Variants in MAGI3 observed in about 807,000 individuals in gnomAD.
MAGI3 encodes the protein membrane-associated guanylate kinase, WW and PDZ domain-containing protein 3.
MAGI3 carries 43 observed loss-of-function variants against 121.8 expected under a neutral mutation model. The observed-to-expected ratio is 0.35, with a 90% CI of 0.28 to 0.46. The LOEUF (loss-of-function observed/expected upper bound fraction) is 0.46. Among genes scored for constraint, MAGI3 ranks in the 20% least tolerant of loss-of-function variants. MAGI3 has a pLI of 1.00. For missense variants in MAGI3, 1,547 were observed against 1,797.3 expected (o/e 0.86, Z 2.52); for synonymous variants, 553 against 639.3 (o/e 0.86, Z 2.04).
At chr1:113,666,609 T>C (rs868673221) in intron 16 of MAGI3, among the ~76,000 whole-genome samples, 3 of 152,196 alleles carry the variant, frequency 2.0e-5, no homozygotes, top group Non-Finnish European at 4.4e-5. Context: ...CTCAAAGTCA[T>C]CCATGGGAAC....
At chr1:113,479,283 A>G (rs1656001909) in intron 1 of MAGI3, among the ~76,000 whole-genome samples, 1 of 152,128 alleles carries the variant, frequency 6.6e-6, no homozygotes, top group Admixed American at 6.5e-5. Context: ...CAATGGGATG[A>G]ACCACGTACC....
At chr1:113,607,735 A>G (rs1444157435) in intron 6 of MAGI3, among the ~76,000 whole-genome samples, 1 of 152,206 alleles carries the variant, frequency 6.6e-6, no homozygotes, top group Non-Finnish European at 1.5e-5. Flanking sequence ...CCTTGGAGAT[A>G]TTATGTAAGA....
At chr1:113,475,409 T>C (rs896670355) in intron 1 of MAGI3, among the ~76,000 whole-genome samples, 1 of 152,184 alleles carries the variant, frequency 6.6e-6, no homozygotes, top group Non-Finnish European at 1.5e-5. Context: ...TGAGATACGT[T>C]CCATGAATAC....
chr1:113,633,238 A>ATT lies in MAGI3; in HGVS notation c.1361-8633_1361-8632dup, dbSNP rs71090716. The stretch of plus-strand genomic sequence containing the variant: ...TCCCTACAAAGGACATGAACTCATC[A>ATT]TTTTTTTTTTTTTTTTTTTTTTTTT... On this transcript the variant is annotated intron_variant, in intron 9 of 20. Coordinates refer to ENST00000307546, the MANE Select transcript of MAGI3 (RefSeq NM_001142782.2). Among the ~76,000 whole-genome samples, 31 of 56,670 alleles carry ATT rather than the reference A, an allele frequency of 5.5e-4. 9 individuals carry two copies. Among genetic ancestry groups the ATT allele is most frequent in the East Asian group, 3.9e-3 (6 of 1,546 alleles). The allele number at this position is 56,670 out of a possible 152,430, so 37.2% of individuals were successfully genotyped here.
At chr1:113,423,269 G>GA (rs1484373798) in intron 1 of MAGI3, among the ~76,000 whole-genome samples, 1 of 135,250 alleles carries the variant, frequency 7.4e-6, no homozygotes, top group Non-Finnish European at 1.6e-5. Context: ...TGGGGGGGGG[G>GA]TTGTTTTTGT....
chr1:113,400,164 C>T (rs368046177), intron 1 of MAGI3, among the ~76,000 whole-genome samples: 20 of 152,064 alleles, frequency 1.3e-4, no homozygotes, highest in African/African-American at 3.9e-4. Flanking sequence ...TTTTTATAGC[C>T]TCCACTGGGA....
chr1:113,626,991 C>G (rs1234903428), intron 9 of MAGI3, among the ~76,000 whole-genome samples: 3 of 151,870 alleles, frequency 2.0e-5, no homozygotes, highest in Non-Finnish European at 4.4e-5. Flanking sequence ...TTAGTTTTCT[C>G]TTTTCTAGTT....
intron 1 of MAGI3, among the ~76,000 whole-genome samples, chr1:113,490,990 GAT>G (rs1656642353): frequency 6.6e-6 from 1 of 152,084 alleles, no homozygotes; most frequent in Non-Finnish European, 1.5e-5. Flanking sequence ...AATTAACAAA[GAT>G]ATTCAGGACC....
chr1:113,553,374 T>C (rs545264686), intron 2 of MAGI3, among the ~76,000 whole-genome samples: 1 of 152,268 alleles, frequency 6.6e-6, no homozygotes, highest in African/African-American at 2.4e-5. Flanking sequence ...TCAAGCAATC[T>C]GTAAAGGCAC....
intron 1 of MAGI3, among the ~76,000 whole-genome samples, chr1:113,409,837 A>G (rs181065870): frequency 1.3e-5 from 2 of 152,138 alleles, no homozygotes; most frequent in Admixed American, 6.6e-5. Context: ...AGGTTATACT[A>G]TACTGATGTG....
intron 1 of MAGI3, among the ~76,000 whole-genome samples, chr1:113,506,278 G>GC (rs749956206): frequency 3.3e-5 from 5 of 152,122 alleles, no homozygotes; most frequent in Admixed American, 2.0e-4. Context: ...ATACTTTAGT[G>GC]CCCCCAGCAT....
rs1477536585 is a variant in MAGI3 at position 113,643,788 on chromosome 1, G to C, written c.1998+14G>C. On this transcript the variant is annotated intron_variant, in intron 11 of 20. Coordinates refer to ENST00000307546, the MANE Select transcript of MAGI3 (RefSeq NM_001142782.2). ...ACTGCCAAAATGGTGAGTATACACT[G>C]GTCCTCAAATCTTTTCCCCAACACA... is the stretch of plus-strand genomic sequence containing the variant. 4 of 1,611,112 alleles carry C rather than the reference G, an allele frequency of 2.5e-6. No homozygotes were observed. In the East Asian group the frequency reaches 8.9e-5, roughly 36 times the overall value.
At chr1:113,539,116 CG>C (rs1659146544) in intron 1 of MAGI3, among the ~76,000 whole-genome samples, 1 of 151,908 alleles carries the variant, frequency 6.6e-6, no homozygotes, top group South Asian at 2.1e-4. Flanking sequence ...TATTTAAGGC[CG>C]GATGTGGTGG....
At chr1:113,489,598 A>G (rs1257288454) in intron 1 of MAGI3, among the ~76,000 whole-genome samples, 1 of 152,160 alleles carries the variant, frequency 6.6e-6, no homozygotes, top group Non-Finnish European at 1.5e-5. Context: ...AAGCTCATTG[A>G]GATACACGAG....
At chr1:113,650,860 G>A (rs979967699) in intron 13 of MAGI3, among the ~76,000 whole-genome samples, 154 bp from the exon 14 acceptor site, 1 of 152,110 alleles carries the variant, frequency 6.6e-6, no homozygotes, top group East Asian at 1.9e-4. Context: ...TTGGAGAATG[G>A]GCACTTTCTC....
chr1:113,397,440 C>T (rs1651174389), intron 1 of MAGI3, among the ~76,000 whole-genome samples: 1 of 152,096 alleles, frequency 6.6e-6, no homozygotes, highest in Non-Finnish European at 1.5e-5. Context: ...GAATTAGGAT[C>T]TTTCCAGTAG....
At position 113,658,795 on chromosome 1, in the gene MAGI3, G is replaced by A. The variant is rs1157626406; in HGVS notation, c.2630-285G>A. Among the ~76,000 whole-genome samples, 1 of 152,168 alleles carries A rather than the reference G, an allele frequency of 6.6e-6. No individual in the cohort carries two copies. The highest frequency in any genetic ancestry group is 1.5e-5 in the Non-Finnish European group (1 of 68,036). On this transcript the variant is annotated intron_variant, in intron 15 of 20. Coordinates refer to ENST00000307546, the MANE Select transcript of MAGI3 (RefSeq NM_001142782.2). This position sits in a 1 kb window ranked among gnomAD's most constrained non-coding sequence, Gnocchi z 4.0. ...AGTAGCTCTTAAACAGAACAATTAC[G>A]ATGAGAATGTAAAAATTAGAAAAAG...
intron 1 of MAGI3, among the ~76,000 whole-genome samples, chr1:113,429,137 G>T (rs1175183317): frequency 6.6e-6 from 1 of 152,164 alleles, no homozygotes; most frequent in East Asian, 1.9e-4. Context: ...TATTGCCTCA[G>T]CTATTGCTAA....
chr1:113,545,858 T>C (rs1659512868), intron 1 of MAGI3, among the ~76,000 whole-genome samples: 1 of 148,672 alleles, frequency 6.7e-6, no homozygotes, highest in Non-Finnish European at 1.5e-5. Context: ...AATCTTTTCT[T>C]TGTTCAGTAA....
Sources: allele counts gnomAD v4.1 joint callset (sites outside exome capture counted in the v4.1 genomes callset), GRCh38; gene constraint gnomAD v4.1.1; non-coding constraint Gnocchi (gnomAD v3.1); transcripts MANE v1.5; gene names NCBI Gene and HGNC (gene_info 2026-07-23, HGNC 2026-07-21).